Variants in TRIM28 observed in about 807,000 individuals in gnomAD.
TRIM28 encodes tripartite motif containing 28, also known as transcription intermediary factor 1-beta.
Under a neutral mutation model 87.4 loss-of-function variants are expected in TRIM28, and 8 were observed. The observed-to-expected ratio is 0.09, with a 90% CI of 0.05 to 0.17. TRIM28 has a LOEUF of 0.17. Ranked by LOEUF, TRIM28 falls within the 10% of genes least tolerant of loss-of-function variation. The pLI is 1.00. For synonymous variants in TRIM28, 601 were observed against 454.3 expected (o/e 1.32, Z -4.11); for missense variants, 968 against 1,131.8 (o/e 0.86, Z 2.08).
chr19:58,547,198 C>G, intron 3 of TRIM28, 178 bp from the exon 4 acceptor site: 1 of 644,822 alleles, frequency 1.6e-6, no homozygotes, highest in Admixed American at 3.2e-5. Context: ...GCAGAGGATT[C>G]TGGGAGCAAG....
intron 1 of TRIM28, 117 bp from the exon 2 acceptor site, chr19:58,545,308 G>A: frequency 1.0e-6 from 1 of 962,230 alleles, no homozygotes; most frequent in Non-Finnish European, 1.6e-6. Flanking sequence ...GGCTCGGGGA[G>A]GGGAGGGGCT....
At chr19:58,546,494 A>G (rs1414293749) in intron 3 of TRIM28, among the ~76,000 whole-genome samples, 2 of 152,160 alleles carry the variant, frequency 1.3e-5, no homozygotes, top group Non-Finnish European at 2.9e-5. Context: ...TTTGGTAGCC[A>G]TACTGTGATT....
In TRIM28 at chr19:58,549,677, G is replaced by C; in HGVS notation, c.1982+27G>C. 10 of 1,604,382 alleles carry C rather than the reference G, an allele frequency of 6.2e-6. No individual in the cohort carries two copies. Among genetic ancestry groups the C allele is most frequent in the Non-Finnish European group, 7.7e-6 (9 of 1,172,844 alleles). Reference sequence around the variant, plus strand: ...TGAGTGTGAGGCTGGTGGGGGTCAAGTCTGGGTGTTGGGCTGTCTGGACAG... The same window carrying C: ...TGAGTGTGAGGCTGGTGGGGGTCAACTCTGGGTGTTGGGCTGTCTGGACAG... On this transcript the variant is annotated intron_variant, in intron 13 of 16. Transcript: ENST00000253024. This position sits in a 1 kb window ranked among gnomAD's most constrained non-coding sequence, Gnocchi z 4.4.
In TRIM28 at chr19:58,549,838, A is replaced by G. The variant is rs2053798632; in HGVS notation, c.2084A>G (p.Lys695Arg). The G allele has an allele frequency of 3.7e-6, 6 of 1,612,340 alleles. No homozygotes were observed. The highest frequency in any genetic ancestry group is 2.7e-5 in the African/African-American group (2 of 75,014). The change falls in exon 14 of 17, where the codon AAG becomes AGG. Residue 695 changes from lysine (K) to arginine (R), a missense_variant. Around this residue, in one of 11 missense-constraint regions of TRIM28, gnomAD observed 192 missense variants for 225.6 expected, o/e 0.85. Coordinates refer to ENST00000253024, the MANE Select transcript of TRIM28 (RefSeq NM_005762.3). This position sits in a 1 kb window ranked among gnomAD's most constrained non-coding sequence, Gnocchi z 4.4. ...DGADSTGVVA[K>R]LSPANQRKCE... ...GCAGACAGCACTGGCGTGGTGGCCA[A>G]GCTCTCACCAGCCAACCAGCGGGTG...
chr19:58,548,828 C>G (rs771744758), intron 10 of TRIM28, 34 bp from the exon 11 acceptor site: 2 of 1,614,058 alleles, frequency 1.2e-6, no homozygotes, highest in Non-Finnish European at 1.7e-6. Flanking sequence ...TGTTTCTACC[C>G]CAACCTGCCA....
At chr19:58,548,808 G>T (rs1242434994) in intron 10 of TRIM28, 32 bp downstream of exon 10, 1 of 1,613,946 alleles carries the variant, frequency 6.2e-7, no homozygotes, top group African/African-American at 1.3e-5. Flanking sequence ...GTGGGGAAGG[G>T]CCCCAGTGCT....
chr19:58,548,626 C>T (rs762478655), intron 9 of TRIM28, 34 bp downstream of exon 9: 3 of 1,536,280 alleles, frequency 2.0e-6, no homozygotes, highest in Non-Finnish European at 2.6e-6. Context: ...AAGGGGTGGG[C>T]AGGGAATGGG....
At chr19:58,550,072 G>C (rs777935542) in intron 15 of TRIM28, 37 bp downstream of exon 15, 1 of 1,613,720 alleles carries the variant, frequency 6.2e-7, no homozygotes, top group Non-Finnish European at 8.5e-7. Context: ...GGGGGTGGTG[G>C]CTGCTGGGTC....
intron 3 of TRIM28, chr19:58,546,994 T>G: frequency 6.2e-6 from 1 of 160,722 alleles, no homozygotes; most frequent in Non-Finnish European, 1.3e-5. Flanking sequence ...GAATCCAGGG[T>G]GGTGTGTAGG....
intron 4 of TRIM28, 43 bp downstream of exon 4, chr19:58,547,554 C>A (rs759329325): frequency 6.2e-7 from 1 of 1,613,370 alleles, no homozygotes; most frequent in Admixed American, 1.7e-5. Context: ...GGTGCCACCC[C>A]TTCCGTAGCT....
In TRIM28 at chr19:58,549,958, C is replaced by T. The variant is rs763822300; in HGVS notation, c.2116C>T (p.Arg706Cys). ...LSPANQRKCERVLLALFCHEP... is the reference protein window; with the variant it reads ...LSPANQRKCECVLLALFCHEP... ...CTTACAATGTTTGTAGAAATGTGAGCGTGTACTGCTGGCCCTATTCTGTCA... is the reference window on the plus strand; with the variant it reads ...CTTACAATGTTTGTAGAAATGTGAGTGTGTACTGCTGGCCCTATTCTGTCA... Residue 706 changes from arginine (R) to cysteine (C), a missense_variant, in exon 15 of 17, where the codon CGT (arginine) becomes TGT (cysteine). Coordinates refer to ENST00000253024, the MANE Select transcript of TRIM28 (RefSeq NM_005762.3). This position sits in a 1 kb window ranked among gnomAD's most constrained non-coding sequence, Gnocchi z 4.4. 9.3e-6 allele frequency: 15 copies of T among 1,613,858 alleles called. No homozygotes were observed. Among genetic ancestry groups the T allele is most frequent in the Admixed American group, 1.7e-5 (1 of 59,980 alleles).
chr19:58,545,178 C>G lies in TRIM28; in HGVS notation c.340+81C>G. The G allele has an allele frequency of 3.1e-6, 4 of 1,285,266 alleles. No individual in the cohort carries two copies. In the South Asian group the frequency reaches 6.4e-5, roughly 21 times the overall value. 79.6% of individuals were successfully genotyped at this position (1,285,266 alleles called of 1,614,324 possible). ...ACTGGGTGCAGAGATGAGGATGCCACCTGGGCGAGAGGATGGGGGCCCGGA... is the reference window on the plus strand; with the variant it reads ...ACTGGGTGCAGAGATGAGGATGCCAGCTGGGCGAGAGGATGGGGGCCCGGA... On this transcript the variant is annotated intron_variant, in intron 1 of 16. Transcript: ENST00000253024.
Position 58,547,925 on chromosome 19 carries a change from A to C in TRIM28, c.954+19A>C. On this transcript the variant is annotated intron_variant, in intron 6 of 16. Transcript: ENST00000253024. The stretch of plus-strand genomic sequence containing the variant: ...TGCCCAGGTAAGCCTTGTGCCGGTG[A>C]GAAGGGTCCCTGAGCCCCCTCTGCT... 8 of 1,614,056 alleles carry C rather than the reference A, an allele frequency of 5.0e-6. No homozygotes were observed. The highest frequency in any genetic ancestry group is 6.8e-6 in the Non-Finnish European group (8 of 1,179,928).
chr19:58,545,046 C>G lies in TRIM28; in HGVS notation c.289C>G (p.Pro97Ala), dbSNP rs993760388. The G allele has an allele frequency of 2.7e-6, 4 of 1,459,706 alleles. No homozygotes were observed. In the Admixed American group the frequency reaches 9.1e-5, roughly 33 times the overall value. 90.4% of individuals were successfully genotyped at this position (1,459,706 alleles called of 1,614,324 possible). A position where few individuals can be genotyped will look rare whatever the true frequency, so the allele number is the denominator to read the frequency against. ...ACSACLGPAAPAAANSSGDGG... is the reference protein window; with the variant it reads ...ACSACLGPAAAAAANSSGDGG... ...TAGTGCCTGCTTAGGGCCCGCGGCC[C>G]CCGCCGCCGCCAACAGCTCGGGGGA... Residue 97 changes from proline (P) to alanine (A), a missense_variant, in exon 1 of 17, where the codon CCC (proline) becomes GCC (alanine). Physicochemically the swap from Pro to Ala is conservative, Grantham distance 27 (BLOSUM62 -1). This residue lies in a region of TRIM28 where 208 missense variants were observed against 170.9 expected (regional missense o/e 1.22). Transcript: ENST00000253024.
Position 58,544,771 on chromosome 19 carries a change from C to T in TRIM28, c.14C>T (p.Ala5Val), listed in dbSNP as rs1214870472. The change falls in exon 1 of 17, where the codon GCG becomes GTG. Residue 5 changes from alanine to valine, a missense_variant. Physicochemically the swap from Ala to Val is moderately conservative, Grantham distance 64. Transcript: ENST00000253024. ...GGCGGCGTGTGAATGGCGGCCTCCG[C>T]GGCGGCAGCCTCGGCAGCAGCGGCC... is the stretch of plus-strand genomic sequence containing the variant. MAAS[A>V]AAASAAAASA... 8.7e-7 allele frequency: 1 copy of T among 1,145,194 alleles called. No individual in the cohort carries two copies. The highest frequency in any genetic ancestry group is 1.1e-6 in the Non-Finnish European group (1 of 934,110). 70.9% of individuals were successfully genotyped at this position (1,145,194 alleles called of 1,614,324 possible).
chr19:58,548,519 C>T lies in TRIM28; in HGVS notation c.1250C>T (p.Ser417Leu). ...KIVAERPGTN[S>L]TGPAPMAPPR... Reference sequence around the variant, plus strand: ...GTGGCAGAGCGTCCTGGCACTAACTCAACAGGCCCTGCACCCATGGCCCCT... The same window carrying T: ...GTGGCAGAGCGTCCTGGCACTAACTTAACAGGCCCTGCACCCATGGCCCCT... Residue 417 changes from serine (S) to leucine (L), a missense_variant, in exon 9 of 17, where the codon TCA becomes TTA. Around this residue, in one of 11 missense-constraint regions of TRIM28, gnomAD observed 119 missense variants for 93.6 expected, o/e 1.27. Transcript: ENST00000253024. 6.2e-7 allele frequency: 1 copy of T among 1,614,036 alleles called. No individual in the cohort carries two copies. Among genetic ancestry groups the T allele is most frequent in the Non-Finnish European group, 8.5e-7 (1 of 1,180,020 alleles).
chr19:58,545,284 GTT>G, intron 1 of TRIM28, 139 bp from the exon 2 acceptor site: 1 of 911,584 alleles, frequency 1.1e-6, no homozygotes, highest in East Asian at 2.5e-5. Flanking sequence ...TCTGACTAAA[GTT>G]GGAGAAAAGA....
chr19:58,548,926 C>T lies in TRIM28; in HGVS notation c.1409+16C>T, dbSNP rs777490230. 8.1e-6 allele frequency: 13 copies of T among 1,613,948 alleles called. No homozygotes were observed. The highest frequency in any genetic ancestry group is 5.0e-5 in the Admixed American group (3 of 60,000). On this transcript the variant is annotated intron_variant, in intron 11 of 16. Transcript: ENST00000253024. ...GTGTGAAACGGTAAGTATGGCACCT[C>T]CCCTGGGGGTGAGGTGGATGGAGGG...
chr19:58,547,286 A>G, intron 3 of TRIM28, 90 bp from the exon 4 acceptor site: 1 of 1,535,072 alleles, frequency 6.5e-7, no homozygotes, highest in Non-Finnish European at 8.9e-7. Flanking sequence ...GTGTCACAGA[A>G]CAGGCCGGAA....
Sources: allele counts gnomAD v4.1 joint callset (sites outside exome capture counted in the v4.1 genomes callset), GRCh38; gene constraint gnomAD v4.1.1; regional missense constraint gnomAD v4.1.1; non-coding constraint Gnocchi (gnomAD v3.1); transcripts MANE v1.5; gene names NCBI Gene and HGNC (gene_info 2026-07-23, HGNC 2026-07-21).